The following DLG2 variants were observed in gnomAD, a reference collection of about 807,000 sequenced individuals.
The protein encoded by DLG2 is discs large MAGUK scaffold protein 2.
In DLG2, 45 loss-of-function variants were observed where a neutral mutation model predicts 132.5. That is an observed-to-expected ratio of 0.34 (90% CI 0.27 to 0.44). The LOEUF (loss-of-function observed/expected upper bound fraction) is 0.44. Among genes scored for constraint, DLG2 ranks in the 20% least tolerant of loss-of-function variants. The pLI is 1.00. For synonymous variants in DLG2, 424 were observed against 419.6 expected, an observed-to-expected ratio of 1.01 and a Z score of -0.13; for missense variants, 1,045 against 1,196.9, an observed-to-expected ratio of 0.87 and a Z score of 1.87.
chr11:84,669,419 G>C (rs975419712), intron 6 of DLG2, among the ~76,000 whole-genome samples: 3 of 152,114 alleles, frequency 2.0e-5, no homozygotes, highest in Non-Finnish European at 4.4e-5. Context: ...ATACCAGACT[G>C]TCTATATTTT....
chr11:83,972,889 G>A (rs36114419), intron 12 of DLG2, among the ~76,000 whole-genome samples: 6,616 of 152,110 alleles, frequency 0.043, 200 homozygotes, highest in Non-Finnish European at 0.067. Context: ...AGTTTATAAG[G>A]TACACAGTCA....
chr11:84,097,994 C>G (rs988332158), intron 10 of DLG2, among the ~76,000 whole-genome samples: 5 of 149,992 alleles, frequency 3.3e-5, no homozygotes, highest in Non-Finnish European at 7.4e-5. Context: ...CTGAGAAGTA[C>G]CTGGCTGCAC....
intron 4 of DLG2, among the ~76,000 whole-genome samples, chr11:85,231,793 T>G (rs1182652451): frequency 6.6e-6 from 1 of 151,952 alleles, no homozygotes; most frequent in Non-Finnish European, 1.5e-5. Flanking sequence ...TTGGGTGGTG[T>G]CAGCCCAATG....
At chr11:84,650,888 T>TACATACTATATAG (rs780115537) in intron 6 of DLG2, among the ~76,000 whole-genome samples, 1 of 109,472 alleles carries the variant, frequency 9.1e-6, no homozygotes, top group Non-Finnish European at 2.0e-5. Flanking sequence ...TATATATATA[T>TACATACTATATAG]ATATATATAT....
intron 5 of DLG2, among the ~76,000 whole-genome samples, chr11:85,148,765 T>A (rs2077032164): frequency 6.6e-6 from 1 of 152,230 alleles, no homozygotes; most frequent in Non-Finnish European, 1.5e-5. Context: ...TAGATTCCAT[T>A]TGTCAATTTT....
At chr11:85,607,491 T>C (rs1041847606) in intron 2 of DLG2, among the ~76,000 whole-genome samples, 3 of 152,234 alleles carry the variant, frequency 2.0e-5, no homozygotes, top group Non-Finnish European at 2.9e-5. Context: ...CCAGATAAAC[T>C]TCCTCTCACC....
At chr11:83,776,010 TG>T (rs1265427639) in intron 18 of DLG2, among the ~76,000 whole-genome samples, 5 of 152,210 alleles carry the variant, frequency 3.3e-5, no homozygotes, top group Non-Finnish European at 5.9e-5. Context: ...GAGAATGGTG[TG>T]AACCCAGGAG....
chr11:84,329,208 C>G (rs934967589), intron 7 of DLG2, among the ~76,000 whole-genome samples: 6 of 152,142 alleles, frequency 3.9e-5, no homozygotes, highest in Admixed American at 3.3e-4. Context: ...CTCTTTCTTT[C>G]CCATTATTTC....
chr11:84,661,667 A>C (rs2099694555), intron 6 of DLG2, among the ~76,000 whole-genome samples: 1 of 152,104 alleles, frequency 6.6e-6, no homozygotes, highest in African/African-American at 2.4e-5. Context: ...TGAGTTCCTC[A>C]CAATTCAGTA....
chr11:83,461,664 C>T (rs551632296), intron 27 of DLG2: 1 of 190,532 alleles, frequency 5.2e-6, no homozygotes, highest in South Asian at 1.5e-4. Context: ...TTTTGTTTTT[C>T]AAGTTTTCTG....
chr11:84,123,760 T>A (rs1315642067), intron 9 of DLG2, among the ~76,000 whole-genome samples: 1 of 152,232 alleles, frequency 6.6e-6, no homozygotes, highest in Non-Finnish European at 1.5e-5. Context: ...TACATAGAGA[T>A]GATTTTTTAT....
chr11:85,309,350 T>C (rs2080168175), intron 3 of DLG2, among the ~76,000 whole-genome samples: 1 of 151,272 alleles, frequency 6.6e-6, no homozygotes, highest in Admixed American at 6.6e-5. Flanking sequence ...GCTTATTATG[T>C]AGCAATTTTA....
rs150976898 is a variant in DLG2, at chr11:83,724,458, C to CGTGTGTGTGTGT, written c.1825+62220_1825+62231dup. Among the ~76,000 whole-genome samples the CGTGTGTGTGTGT allele has an allele frequency of 5.7e-4, 69 of 121,478 alleles. 1 individual carries two copies. Among genetic ancestry groups the CGTGTGTGTGTGT allele is most frequent in the African/African-American group, 1.9e-3 (54 of 28,260 alleles). The allele number at this position is 121,478 out of a possible 152,430, so 79.7% of individuals were successfully genotyped here. On this transcript the variant is annotated intron_variant, in intron 18 of 27. Coordinates refer to ENST00000376104, the MANE Select transcript of DLG2 (RefSeq NM_001142699.3). ...ACATTCCTTAATCAATCTCTCTCTC[C>CGTGTGTGTGTGT]GTGTGTGTGTGTGTGTGTGAGAGAG...
intron 6 of DLG2, among the ~76,000 whole-genome samples, chr11:84,715,806 T>C (rs2061155307): frequency 6.6e-6 from 1 of 152,172 alleles, no homozygotes; most frequent in African/African-American, 2.4e-5. Flanking sequence ...TATTTGTCAA[T>C]GAACACTTAG....
chr11:83,759,280 G>T (rs1209832727), intron 18 of DLG2, among the ~76,000 whole-genome samples: 1 of 152,194 alleles, frequency 6.6e-6, no homozygotes, highest in Non-Finnish European at 1.5e-5. Context: ...TGCAAAATAA[G>T]AGGTGAGACA....
chr11:83,728,381 T>G (rs1424064720), intron 18 of DLG2, among the ~76,000 whole-genome samples: 6 of 152,198 alleles, frequency 3.9e-5, no homozygotes, highest in Admixed American at 3.9e-4. Context: ...GAAAACTTGG[T>G]GACTTTATAC....
chr11:84,171,615 A>G (rs1006384323), intron 8 of DLG2, among the ~76,000 whole-genome samples: 18 of 152,168 alleles, frequency 1.2e-4, no homozygotes, highest in African/African-American at 3.6e-4. Context: ...TCTTTATCCA[A>G]TCACCCACTG....
intron 3 of DLG2, among the ~76,000 whole-genome samples, chr11:85,406,133 T>G (rs1484016943): frequency 1.3e-5 from 2 of 152,026 alleles, no homozygotes; most frequent in African/African-American, 2.4e-5. Context: ...GAGGGTAGAC[T>G]GATGGATATC....
chr11:83,812,802 G>A (rs565417565), intron 17 of DLG2, among the ~76,000 whole-genome samples: 1 of 152,280 alleles, frequency 6.6e-6, no homozygotes, highest in South Asian at 2.1e-4. Flanking sequence ...GACCAGAATT[G>A]TGGGAAATGT....
Sources: allele counts gnomAD v4.1 joint callset (sites outside exome capture counted in the v4.1 genomes callset), GRCh38; gene constraint gnomAD v4.1.1; transcripts MANE v1.5; gene names NCBI Gene and HGNC (gene_info 2026-07-23, HGNC 2026-07-21).